ZSWIM8: variants seen among roughly 807,000 people sequenced by gnomAD.
The protein encoded by ZSWIM8 is zinc finger SWIM domain-containing protein 8.
In ZSWIM8, 27 loss-of-function variants were observed where a neutral mutation model predicts 173.7. The observed-to-expected ratio is 0.16, with a 90% CI of 0.11 to 0.21. The LOEUF (loss-of-function observed/expected upper bound fraction) is 0.21, where lower values mean the gene tolerates loss of function less well. ZSWIM8 is among the 10% of genes least tolerant of loss of function. ZSWIM8 has a pLI of 1.00. For synonymous variants in ZSWIM8, 958 were observed against 962.0 expected (o/e 1.00, Z 0.08); for missense variants, 1,627 against 2,428.8 (o/e 0.67, Z 6.94).
At chr10:73,794,516 C>T in intron 13 of ZSWIM8, 25 bp from the exon 14 acceptor site, 1 of 1,565,230 alleles carries the variant, frequency 6.4e-7, no homozygotes, top group African/African-American at 1.4e-5. Flanking sequence ...TTCTGTCTGC[C>T]TGACTTACCC....
chr10:73,796,924 A>G lies in ZSWIM8; in HGVS notation c.3184A>G (p.Thr1062Ala). The change falls in exon 16 of 26, where the codon ACC becomes GCC. Residue 1062 changes from threonine to alanine, a missense_variant. By Grantham distance (58) the Thr-to-Ala change is moderately conservative. This residue lies in a region of ZSWIM8 where 163 missense variants were observed against 193.2 expected (regional missense o/e 0.84). Coordinates refer to ENST00000604729, the MANE Select transcript of ZSWIM8 (RefSeq NM_001367799.1). ...PSAPGALQPL[T>A]SGSAGPAQPG... ...TGCCCCAGGGGCCCTGCAACCACTG[A>G]CCTCAGGCTCTGCAGGGCCTGCTCA... The G allele has an allele frequency of 6.2e-7, 1 of 1,613,996 alleles. No homozygotes were observed.
chr10:73,798,490 C>T, intron 20 of ZSWIM8, 37 bp downstream of exon 20: 1 of 1,583,518 alleles, frequency 6.3e-7, no homozygotes. Flanking sequence ...TCTTCTGGGG[C>T]ATCTGGGCAG....
Position 73,797,367 on chromosome 10 carries a change from T to TG in ZSWIM8, c.3434-5dup, listed in dbSNP as rs780570494. 1.2e-6 allele frequency: 2 copies of TG among 1,613,562 alleles called. No individual in the cohort carries two copies. Among genetic ancestry groups the TG allele is most frequent in the South Asian group, 2.2e-5 (2 of 91,072 alleles). On this transcript the variant is annotated splice_polypyrimidine_tract_variant and intron_variant, in intron 17 of 25. Transcript: ENST00000604729. The surrounding 1 kb of genome is among the most constrained non-coding windows in gnomAD (Gnocchi z 5.6). ...CCTGACTTCTGAGACTGACTTCTCTTGGGGGTTAGGCATGGCCAGCATTGA... is the reference window on the plus strand; with the variant it reads ...CCTGACTTCTGAGACTGACTTCTCTTGGGGGGTTAGGCATGGCCAGCATTGA...
In ZSWIM8 at chr10:73,785,749, C is replaced by T; in HGVS notation, c.-130C>T. 2 of 962,216 alleles carry T rather than the reference C, an allele frequency of 2.1e-6. No individual in the cohort carries two copies. The highest frequency in any genetic ancestry group is 2.2e-4 in the Middle Eastern group (1 of 4,626). 59.6% of individuals were successfully genotyped at this position (962,216 alleles called of 1,614,324 possible). A position where few individuals can be genotyped will look rare whatever the true frequency, so the allele number is the denominator to read the frequency against. ...GCCTGAGATTCTCGCCCGGCACGGC[C>T]GCCCTGAGCGCCCCGGCCACCCCCA... On this transcript the variant is annotated 5_prime_UTR_variant, in exon 1 of 26. Transcript: ENST00000604729.
At position 73,792,013 on chromosome 10, in the gene ZSWIM8, C is replaced by G. The variant is rs1176608126; in HGVS notation, c.1474C>G (p.Leu492Val). Residue 492 changes from leucine (L) to valine (V), a missense_variant, in exon 10 of 26, where the codon CTT becomes GTT. Around this residue, in one of 18 missense-constraint regions of ZSWIM8, gnomAD observed 103 missense variants for 155.6 expected, o/e 0.66. Transcript: ENST00000604729. The surrounding 1 kb of genome is among the most constrained non-coding windows in gnomAD (Gnocchi z 4.3). ...CTTCAACTGGGAAGAGGCCTACCCA[C>G]TTCCTGGTGTCACCTACAGCGGCAC... ...CYFNWEEAYP[L>V]PGVTYSGTDR... The G allele has an allele frequency of 2.6e-6, 4 of 1,550,548 alleles. No individual in the cohort carries two copies. The highest frequency in any genetic ancestry group is 1.7e-4 in the Middle Eastern group (1 of 6,010).
In ZSWIM8 at chr10:73,797,414, A is replaced by T. The variant is rs768184035; in HGVS notation, c.3471A>T (p.Thr1157=). ...ASIDSSAPET[T]SDSSPTLSRR... Reference sequence around the variant, plus strand: ...TTGACAGCAGTGCCCCTGAAACAACATCGGATAGTTCCCCCACCTTAAGCC... The same window carrying T: ...TTGACAGCAGTGCCCCTGAAACAACTTCGGATAGTTCCCCCACCTTAAGCC... The change falls in exon 18 of 26, where the codon ACA becomes ACT. Residue 1157 remains threonine (T), a synonymous_variant. Coordinates refer to ENST00000604729, the MANE Select transcript of ZSWIM8 (RefSeq NM_001367799.1). The surrounding 1 kb of genome is among the most constrained non-coding windows in gnomAD (Gnocchi z 5.6). 1.2e-6 allele frequency: 2 copies of T among 1,613,876 alleles called. No homozygotes were observed. The highest frequency in any genetic ancestry group is 8.5e-7 in the Non-Finnish European group (1 of 1,179,822).
At position 73,791,877 on chromosome 10, in the gene ZSWIM8, G is replaced by A. The variant is rs562043787; in HGVS notation, c.1338G>A (p.Thr446=). 3.1e-5 allele frequency: 48 copies of A among 1,533,998 alleles called. No individual in the cohort carries two copies. The African/African-American group carries it at 4.5e-4, about 14-fold the overall frequency. The change falls in exon 10 of 26, where the codon ACG becomes ACA. Residue 446 remains threonine (T), a synonymous_variant. Transcript: ENST00000604729. The surrounding 1 kb of genome is among the most constrained non-coding windows in gnomAD (Gnocchi z 6.0). The part of the protein sequence containing the change: ...LSPQRRRELC[T]QLRQWQLKVI... Reference sequence around the variant, plus strand: ...CCCACAGGCGCCGGGAACTGTGTACGCAGCTGCGGCAGTGGCAACTGAAGG... The same window carrying A: ...CCCACAGGCGCCGGGAACTGTGTACACAGCTGCGGCAGTGGCAACTGAAGG...
At position 73,800,086 on chromosome 10, in the gene ZSWIM8, T is replaced by A. The variant is rs2083865336; in HGVS notation, c.4741T>A (p.Ser1581Thr). The change falls in exon 22 of 26, where the codon TCT becomes ACT. Residue 1581 changes from serine to threonine, a missense_variant. By Grantham distance (58) the Ser-to-Thr change is moderately conservative (BLOSUM62 1). Around this residue, in one of 18 missense-constraint regions of ZSWIM8, gnomAD observed 275 missense variants for 290.1 expected, o/e 0.95. Transcript: ENST00000604729. The surrounding 1 kb of genome is among the most constrained non-coding windows in gnomAD (Gnocchi z 4.1). ...TCCCTCACTTGCTGCCACTGCTGTG[T>A]CTTTCCCCGTTCCTTCCATGGCACC... ...TPPSLAATAVSFPVPSMAPIT... is the reference protein window; with the variant it reads ...TPPSLAATAVTFPVPSMAPIT... 6.2e-7 allele frequency: 1 copy of A among 1,613,872 alleles called. No individual in the cohort carries two copies. The highest frequency in any genetic ancestry group is 8.5e-7 in the Non-Finnish European group (1 of 1,179,832).
rs1159949555 is a variant in ZSWIM8, at chr10:73,800,151, A to G, written c.4806A>G (p.Pro1602=). ...VHPYHTEPGL[P]LPTSVALSSV... ...CCTACCACACAGAGCCAGGGCTTCC[A>G]CTGCCCACCAGTGTGGCCTGTGAGT... Residue 1602 remains proline, a synonymous_variant, in exon 22 of 26, where the codon CCA becomes CCG. Coordinates refer to ENST00000604729, the MANE Select transcript of ZSWIM8 (RefSeq NM_001367799.1). This position sits in a 1 kb window ranked among gnomAD's most constrained non-coding sequence, Gnocchi z 4.1. 3.1e-6 allele frequency: 5 copies of G among 1,613,634 alleles called. No homozygotes were observed. The highest frequency in any genetic ancestry group is 3.4e-6 in the Non-Finnish European group (4 of 1,179,806).
chr10:73,798,315 C>T lies in ZSWIM8; in HGVS notation c.4038C>T (p.Ser1346=). The change falls in exon 20 of 26, where the codon TCC becomes TCT. Residue 1346 remains serine, a synonymous_variant. Transcript: ENST00000604729. The part of the protein sequence containing the change: ...DGHLTPPEVA[S]LADRASRARD... ...ACCTGACACCCCCTGAGGTTGCATC[C>T]CTGGCTGACAGGGCATCACGGGCAA... is the stretch of plus-strand genomic sequence containing the variant. 6.2e-7 allele frequency: 1 copy of T among 1,614,044 alleles called. No homozygotes were observed. The highest frequency in any genetic ancestry group is 8.5e-7 in the Non-Finnish European group (1 of 1,179,898).
chr10:73,798,804 G>A (rs925687583), intron 20 of ZSWIM8, among the ~76,000 whole-genome samples, 198 bp from the exon 21 acceptor site: 1 of 152,168 alleles, frequency 6.6e-6, no homozygotes, highest in Non-Finnish European at 1.5e-5. Context: ...TATAACCTGG[G>A]TCTTGACTCA....
chr10:73,799,740 G>C, intron 21 of ZSWIM8: 1 of 637,504 alleles, frequency 1.6e-6, no homozygotes, highest in Non-Finnish European at 2.7e-6. Flanking sequence ...AGACCAGCCT[G>C]GCCAACATGG....
rs200426209 is a variant in ZSWIM8, at chr10:73,800,635, C to A, written c.5003-5C>A. ...ACCATGTGCCCACCCTTATCTATCT[C>A]CCAGGAATGCTGGCACTGGAGATGC... On this transcript the variant is annotated splice_region_variant and splice_polypyrimidine_tract_variant and intron_variant, in intron 23 of 25. Coordinates refer to ENST00000604729, the MANE Select transcript of ZSWIM8 (RefSeq NM_001367799.1). The surrounding 1 kb of genome is among the most constrained non-coding windows in gnomAD (Gnocchi z 4.1). 1.8e-4 allele frequency: 281 copies of A among 1,598,840 alleles called. No homozygotes were observed. Among genetic ancestry groups the A allele is most frequent in the African/African-American group, 1.3e-3 (94 of 74,034 alleles).
In ZSWIM8 at chr10:73,799,085, G is replaced by T. The variant is rs773769256; in HGVS notation, c.4260G>T (p.Glu1420Asp). Residue 1420 changes from glutamate (E) to aspartate (D), a missense_variant, in exon 21 of 26, where the codon GAG (glutamate) becomes GAT (aspartate). Transcript: ENST00000604729. ...GGGVYPEVLF[E>D]VAHQWFWLYE... ...GCGTGTACCCTGAAGTGTTGTTTGA[G>T]GTTGCTCACCAGTGGTTCTGGCTGT... The T allele has an allele frequency of 1.2e-6, 2 of 1,613,920 alleles. No homozygotes were observed. Among genetic ancestry groups the T allele is most frequent in the East Asian group, 2.2e-5 (1 of 44,884 alleles).
In ZSWIM8 at chr10:73,790,193, C is replaced by T; in HGVS notation, c.842C>T (p.Ala281Val). Reference protein sequence around the residue: ...GAPDPTAGPSASDQSTWYLDE... With the variant: ...GAPDPTAGPSVSDQSTWYLDE... Reference sequence around the variant, plus strand: ...TCAGACCCCACAGCAGGGCCCTCAGCATCGGACCAGAGTACTTGGTATCTG... The same window carrying T: ...TCAGACCCCACAGCAGGGCCCTCAGTATCGGACCAGAGTACTTGGTATCTG... Residue 281 changes from alanine to valine, a missense_variant, in exon 7 of 26, where the codon GCA becomes GTA. Physicochemically the swap from Ala to Val is moderately conservative, Grantham distance 64 (BLOSUM62 0). This residue lies in a region of ZSWIM8 where 39 missense variants were observed against 154.0 expected (regional missense o/e 0.25). Coordinates refer to ENST00000604729, the MANE Select transcript of ZSWIM8 (RefSeq NM_001367799.1). The T allele has an allele frequency of 6.2e-7, 1 of 1,613,244 alleles. No individual in the cohort carries two copies. Among genetic ancestry groups the T allele is most frequent in the Non-Finnish European group, 8.5e-7 (1 of 1,179,472 alleles).
chr10:73,800,250 C>T lies in ZSWIM8; in HGVS notation c.4826-46C>T, dbSNP rs771136345. ...GAGGTGGGGAGGGAATGTTCTTTGT[C>T]TCTCTTTGGGCTCTGAGTTCCTCAC... On this transcript the variant is annotated intron_variant, in intron 22 of 25. Coordinates refer to ENST00000604729, the MANE Select transcript of ZSWIM8 (RefSeq NM_001367799.1). This position sits in a 1 kb window ranked among gnomAD's most constrained non-coding sequence, Gnocchi z 4.1. The T allele has an allele frequency of 2.5e-6, 4 of 1,611,164 alleles. No individual in the cohort carries two copies. The South Asian group carries it at 4.4e-5, about 18-fold the overall frequency.
intron 14 of ZSWIM8, among the ~76,000 whole-genome samples, chr10:73,795,109 A>T (rs1247873293): frequency 6.6e-6 from 1 of 152,070 alleles, no homozygotes; most frequent in Non-Finnish European, 1.5e-5. Flanking sequence ...GTCTCAAACA[A>T]AGAAAAAAAA....
Position 73,800,637 on chromosome 10 carries a change from C to T in ZSWIM8, c.5003-3C>T, listed in dbSNP as rs1159814158. ...CATGTGCCCACCCTTATCTATCTCCCAGGAATGCTGGCACTGGAGATGCTG... is the reference window on the plus strand; with the variant it reads ...CATGTGCCCACCCTTATCTATCTCCTAGGAATGCTGGCACTGGAGATGCTG... On this transcript the variant is annotated splice_region_variant and splice_polypyrimidine_tract_variant and intron_variant, in intron 23 of 25. Coordinates refer to ENST00000604729, the MANE Select transcript of ZSWIM8 (RefSeq NM_001367799.1). This position sits in a 1 kb window ranked among gnomAD's most constrained non-coding sequence, Gnocchi z 4.1. 4 of 1,613,626 alleles carry T rather than the reference C, an allele frequency of 2.5e-6. No individual in the cohort carries two copies. The highest frequency in any genetic ancestry group is 1.7e-5 in the Admixed American group (1 of 59,986).
chr10:73,794,279 G>A lies in ZSWIM8; in HGVS notation c.2758G>A (p.Val920Met), dbSNP rs943870312. The A allele has an allele frequency of 1.2e-6, 2 of 1,614,042 alleles. No individual in the cohort carries two copies. ...GGGGACACTCTGTGACTATCGGCCT[G>A]TGTTGCCTCTCATGCTGGCCAGTTT... ...REGTLCDYRP[V>M]LPLMLASFIF... is the part of the protein sequence containing the mutation. Residue 920 changes from valine (V) to methionine (M), a missense_variant, in exon 13 of 26, where the codon GTG (valine) becomes ATG (methionine). This residue lies in a region of ZSWIM8 where 169 missense variants were observed against 235.3 expected (regional missense o/e 0.72). Coordinates refer to ENST00000604729, the MANE Select transcript of ZSWIM8 (RefSeq NM_001367799.1).
Sources: allele counts gnomAD v4.1 joint callset (sites outside exome capture counted in the v4.1 genomes callset), GRCh38; gene constraint gnomAD v4.1.1; regional missense constraint gnomAD v4.1.1; non-coding constraint Gnocchi (gnomAD v3.1); transcripts MANE v1.5; gene names NCBI Gene and HGNC (gene_info 2026-07-23, HGNC 2026-07-21).